ATXN1: variants seen among roughly 807,000 people sequenced by gnomAD.
ATXN1 encodes the protein ataxin 1.
In ATXN1, 8 loss-of-function variants were observed where a neutral mutation model predicts 56.4. The ratio of observed to expected loss-of-function variants is 0.14; its 90% CI spans 0.08 to 0.26. The LOEUF is 0.26. Among genes scored for constraint, ATXN1 ranks in the 10% least tolerant of loss-of-function variants. ATXN1 has a pLI of 1.00. For missense variants in ATXN1, 987 were observed against 1,106.5 expected, an observed-to-expected ratio of 0.89 and a Z score of 1.53; for synonymous variants, 514 against 494.6, an observed-to-expected ratio of 1.04 and a Z score of -0.52.
intron 6 of ATXN1, among the ~76,000 whole-genome samples, chr6:16,426,892 C>T (rs981285974): frequency 2.2e-4 from 33 of 151,018 alleles, no homozygotes; most frequent in Non-Finnish European, 3.7e-4. Flanking sequence ...AAAAAAAGAC[C>T]AAGTAGAGGC....
intron 6 of ATXN1, among the ~76,000 whole-genome samples, chr6:16,471,710 T>TGTGTGTGA (rs1002633039): frequency 1.6e-4 from 24 of 151,774 alleles, no homozygotes; most frequent in Non-Finnish European, 2.9e-4. Context: ...TGTGTGTGTG[T>TGTGTGTGA]GAGACAGAAA....
chr6:16,499,650 C>T (rs796771113), intron 5 of ATXN1, among the ~76,000 whole-genome samples: 58 of 152,254 alleles, frequency 3.8e-4, no homozygotes, highest in African/African-American at 9.1e-4. Context: ...TTTCCAAGCC[C>T]GACACCCACC....
At chr6:16,395,759 T>G (rs752474906) in intron 6 of ATXN1, among the ~76,000 whole-genome samples, 1 of 152,122 alleles carries the variant, frequency 6.6e-6, no homozygotes, top group Non-Finnish European at 1.5e-5. Context: ...GGCTCATGCC[T>G]GTAATCCCAG....
At chr6:16,665,415 C>T (rs1325365433) in intron 2 of ATXN1, among the ~76,000 whole-genome samples, 1 of 152,106 alleles carries the variant, frequency 6.6e-6, no homozygotes, top group East Asian at 1.9e-4. Context: ...TATCATCACA[C>T]ATCATATAGC....
intron 4 of ATXN1, among the ~76,000 whole-genome samples, chr6:16,535,634 T>C (rs1761582429): frequency 6.6e-6 from 1 of 152,254 alleles, no homozygotes; most frequent in African/African-American, 2.4e-5. Flanking sequence ...AAATAATTCA[T>C]GCAGATGTTC....
chr6:16,416,753 T>A (rs540346484), intron 6 of ATXN1, among the ~76,000 whole-genome samples: 1 of 152,330 alleles, frequency 6.6e-6, no homozygotes, highest in South Asian at 2.1e-4. Flanking sequence ...AGTTCATGGT[T>A]CCTATCTCTT....
Position 16,675,592 on chromosome 6 carries a change from A to G in ATXN1, c.-614-17691T>C, listed in dbSNP as rs566162613. On this transcript the variant is annotated intron_variant, in intron 2 of 7. Transcript: ENST00000436367. The stretch of plus-strand genomic sequence containing the variant: ...GGAGATGGAGCCTACATATATTTAA[A>G]ATTGGAGGCCAGGTGCGGTGGCTCA... Among the ~76,000 whole-genome samples, 5 of 152,128 alleles carry G rather than the reference A, an allele frequency of 3.3e-5. 1 individual carries two copies. The highest frequency in any genetic ancestry group is 1.2e-4 in the African/African-American group (5 of 41,522).
At chr6:16,548,676 C>T (rs1165951056) in intron 4 of ATXN1, among the ~76,000 whole-genome samples, 4 of 152,030 alleles carry the variant, frequency 2.6e-5, no homozygotes. Context: ...GTAATCCCAG[C>T]ACTTTGGGAG....
At chr6:16,566,168 T>G (rs1762212885) in intron 4 of ATXN1, among the ~76,000 whole-genome samples, 1 of 152,200 alleles carries the variant, frequency 6.6e-6, no homozygotes, top group East Asian at 1.9e-4. Context: ...CCTAGAAATC[T>G]GTAAACTCCA....
chr6:16,741,001 G>A (rs555428489), intron 2 of ATXN1, among the ~76,000 whole-genome samples: 15 of 152,270 alleles, frequency 9.9e-5, no homozygotes, highest in African/African-American at 2.4e-4. Flanking sequence ...CTACAACTTC[G>A]GAAACGCAAA....
At chr6:16,550,748 G>A (rs1761905517) in intron 4 of ATXN1, among the ~76,000 whole-genome samples, 1 of 152,186 alleles carries the variant, frequency 6.6e-6, no homozygotes, top group South Asian at 2.1e-4. Context: ...GCAACATATA[G>A]TATGACACAG....
chr6:16,479,630 T>G (rs1760395504), intron 6 of ATXN1, among the ~76,000 whole-genome samples: 1 of 152,248 alleles, frequency 6.6e-6, no homozygotes, highest in African/African-American at 2.4e-5. Flanking sequence ...TTGGGTTCTA[T>G]GACTAAACAA....
intron 2 of ATXN1, among the ~76,000 whole-genome samples, chr6:16,749,557 C>T (rs1001706699): frequency 8.5e-5 from 13 of 152,316 alleles, no homozygotes; most frequent in African/African-American, 2.9e-4. Context: ...TAGTTCAGCA[C>T]TGAGTTTCCA....
intron 7 of ATXN1, among the ~76,000 whole-genome samples, chr6:16,316,836 C>A: frequency 7.3e-6 from 1 of 136,666 alleles, no homozygotes; most frequent in South Asian, 2.4e-4. Context: ...TACAAGTGGA[C>A]AACAGGGGGC....
intron 6 of ATXN1, among the ~76,000 whole-genome samples, chr6:16,400,477 A>G (rs1037732503): frequency 9.2e-5 from 14 of 152,136 alleles, no homozygotes; most frequent in South Asian, 8.3e-4. Flanking sequence ...GTTGCAAGGT[A>G]CAAGTTTTCA....
chr6:16,647,723 G>C (rs1056380508), intron 3 of ATXN1, among the ~76,000 whole-genome samples: 1 of 152,210 alleles, frequency 6.6e-6, no homozygotes, highest in African/African-American at 2.4e-5. Context: ...CAATATATAT[G>C]TATATCAAAG....
chr6:16,366,279 G>A (rs1761916939), intron 6 of ATXN1, among the ~76,000 whole-genome samples: 1 of 152,152 alleles, frequency 6.6e-6, no homozygotes, highest in South Asian at 2.1e-4. Flanking sequence ...GATGCTGGCA[G>A]TTCCCTAGGA....
chr6:16,386,349 T>C (rs950360685), intron 6 of ATXN1, among the ~76,000 whole-genome samples: 1 of 152,180 alleles, frequency 6.6e-6, no homozygotes, highest in East Asian at 1.9e-4. Context: ...TGACAGCGCG[T>C]TAACCATAAA....
chr6:16,532,384 A>G (rs1761521301), intron 4 of ATXN1, among the ~76,000 whole-genome samples: 1 of 152,210 alleles, frequency 6.6e-6, no homozygotes, highest in African/African-American at 2.4e-5. Context: ...TTCCAGTGGT[A>G]AGTCTCTACA....
Sources: gnomAD v4.1 joint callset for allele counts (sites outside exome capture counted in the v4.1 genomes callset) on GRCh38, gnomAD v4.1.1 for gene constraint, MANE v1.5 for transcripts, NCBI Gene and HGNC (gene_info 2026-07-23, HGNC 2026-07-21) for gene names.